The following MAP2K1 variants were observed in gnomAD, a reference collection of about 807,000 sequenced individuals.
The protein encoded by MAP2K1 is dual specificity mitogen-activated protein kinase kinase 1.
In MAP2K1, 16 loss-of-function variants were observed where a neutral mutation model predicts 46.3. The observed-to-expected ratio is 0.35, with a 90% CI of 0.23 to 0.52. The LOEUF is 0.52. Among genes scored for constraint, MAP2K1 ranks in the 20% least tolerant of loss-of-function variants. MAP2K1 has a pLI of 0.94. For missense variants in MAP2K1, 263 were observed against 497.1 expected, an observed-to-expected ratio of 0.53 and a Z score of 4.48; for synonymous variants, 183 against 185.6, an observed-to-expected ratio of 0.99 and a Z score of 0.11.
intron 5 of MAP2K1, among the ~76,000 whole-genome samples, chr15:66,471,977 T>C (rs1892642715): frequency 6.8e-6 from 1 of 146,406 alleles, no homozygotes; most frequent in African/African-American, 2.6e-5. Flanking sequence ...CTCAGGAGGC[T>C]GAGGCAGGAG....
chr15:66,487,930 A>G (rs565382321), intron 8 of MAP2K1, among the ~76,000 whole-genome samples: 1 of 152,004 alleles, frequency 6.6e-6, no homozygotes, highest in Admixed American at 6.6e-5. Context: ...TTTTCACATT[A>G]ATTTCCCATG....
intron 5 of MAP2K1, 21 bp from the exon 6 acceptor site, chr15:66,481,734 T>C: frequency 6.2e-7 from 1 of 1,610,866 alleles, no homozygotes. Flanking sequence ...TCCCTCCTTT[T>C]CTATTTTCTC....
chr15:66,481,906 A>G (rs1892923613), intron 6 of MAP2K1, 27 bp downstream of exon 6: 1 of 1,610,606 alleles, frequency 6.2e-7, no homozygotes, highest in Admixed American at 1.7e-5. Flanking sequence ...CCATTGCTTG[A>G]GCTTCTTGTA....
At chr15:66,447,813 A>G (rs1891912769) in intron 5 of MAP2K1, among the ~76,000 whole-genome samples, 1 of 151,976 alleles carries the variant, frequency 6.6e-6, no homozygotes. Flanking sequence ...ACCACCATCC[A>G]TCTCCAGAAC....
chr15:66,480,636 A>G (rs916121559), intron 5 of MAP2K1, among the ~76,000 whole-genome samples: 2 of 152,222 alleles, frequency 1.3e-5, no homozygotes, highest in Admixed American at 6.5e-5. Flanking sequence ...AAACGTTATT[A>G]GTGGCTCTGC....
intron 1 of MAP2K1, among the ~76,000 whole-genome samples, chr15:66,411,880 C>T (rs1366045229): frequency 1.3e-5 from 2 of 152,190 alleles, no homozygotes; most frequent in African/African-American, 2.4e-5. Flanking sequence ...CCTTGTGATA[C>T]AGGACAAGAG....
chr15:66,445,719 C>A (rs1891851202), intron 5 of MAP2K1, among the ~76,000 whole-genome samples: 1 of 152,134 alleles, frequency 6.6e-6, no homozygotes, highest in African/African-American at 2.4e-5. Context: ...AAGGCAGATA[C>A]AAAACAGCCC....
intron 5 of MAP2K1, among the ~76,000 whole-genome samples, chr15:66,468,804 G>T (rs1722001796): frequency 6.6e-6 from 1 of 151,626 alleles, no homozygotes; most frequent in African/African-American, 2.4e-5. Context: ...GGTGGTGCGT[G>T]CCTGTAATCC....
In MAP2K1 at chr15:66,387,070, C is replaced by T. The variant is rs1566991435; in HGVS notation, c.-278C>T. On this transcript the variant is annotated 5_prime_UTR_variant, in exon 1 of 11. Transcript: ENST00000307102. ...AGAGAGAGAGGAAGGGAATCCCGGG[C>T]TGCCGAACCGCACGTTCAGCCCGCT... is the stretch of plus-strand genomic sequence containing the variant. 6 of 393,480 alleles carry T rather than the reference C, an allele frequency of 1.5e-5. No individual in the cohort carries two copies. Among genetic ancestry groups the T allele is most frequent in the Non-Finnish European group, 2.7e-5 (6 of 223,340 alleles). 24.4% of individuals were successfully genotyped at this position (393,480 alleles called of 1,614,324 possible).
intron 1 of MAP2K1, among the ~76,000 whole-genome samples, chr15:66,425,832 G>A (rs1458404217): frequency 6.6e-6 from 1 of 152,162 alleles, no homozygotes. Flanking sequence ...CCTTGCAGGG[G>A]GGAAGAAAAG....
At chr15:66,458,050 T>C (rs1892217331) in intron 5 of MAP2K1, among the ~76,000 whole-genome samples, 1 of 151,990 alleles carries the variant, frequency 6.6e-6, no homozygotes. Context: ...ATAAGTGACG[T>C]GGGTAGGAGA....
Position 66,435,041 on chromosome 15 carries a change from C to T in MAP2K1, c.95C>T (p.Ala32Val), listed in dbSNP as rs1203670813. The T allele has an allele frequency of 1.2e-6, 2 of 1,613,246 alleles. No individual in the cohort carries two copies. The highest frequency in any genetic ancestry group is 2.7e-5 in the African/African-American group (2 of 74,890). The part of the protein sequence containing the change: ...GTSSAETNLE[A>V]LQKKLEELEL... ...CTTTGGAACAGGACCAACTTGGAGG[C>T]CTTGCAGAAGAAGCTGGAGGAGCTA... Residue 32 changes from alanine to valine, a missense_variant, in exon 2 of 11, where the codon GCC becomes GTC. By Grantham distance (64) the Ala-to-Val change is moderately conservative. Transcript: ENST00000307102.
At chr15:66,461,052 A>T (rs1595874593) in intron 5 of MAP2K1, among the ~76,000 whole-genome samples, 1 of 152,228 alleles carries the variant, frequency 6.6e-6, no homozygotes, top group African/African-American at 2.4e-5. Context: ...TAAGTTACAG[A>T]TTATTTCCTG....
intron 5 of MAP2K1, among the ~76,000 whole-genome samples, chr15:66,449,264 G>A (rs1356491360): frequency 1.3e-5 from 2 of 152,258 alleles, no homozygotes; most frequent in South Asian, 2.1e-4. Context: ...ACATTTTAGT[G>A]TATTCAAACA....
At chr15:66,471,045 T>C (rs2140649849) in intron 5 of MAP2K1, among the ~76,000 whole-genome samples, 1 of 152,286 alleles carries the variant, frequency 6.6e-6, no homozygotes, top group South Asian at 2.1e-4. Flanking sequence ...CTGATTAGCC[T>C]TTCCAAAGGA....
chr15:66,393,334 T>TGCCCA, intron 1 of MAP2K1, among the ~76,000 whole-genome samples: 1 of 152,170 alleles, frequency 6.6e-6, no homozygotes, highest in East Asian at 1.9e-4. Context: ...CCTGACACCA[T>TGCCCA]GCCCAGCTAA....
At chr15:66,461,574 G>A (rs1483612605) in intron 5 of MAP2K1, among the ~76,000 whole-genome samples, 1 of 152,008 alleles carries the variant, frequency 6.6e-6, no homozygotes, top group Non-Finnish European at 1.5e-5. Flanking sequence ...CCAGCATAAG[G>A]CTTGATAAGA....
intron 1 of MAP2K1, among the ~76,000 whole-genome samples, chr15:66,400,555 T>G (rs2093378988): frequency 6.6e-6 from 1 of 152,188 alleles, no homozygotes; most frequent in Non-Finnish European, 1.5e-5. Flanking sequence ...AACTGCCAAT[T>G]TCGAAAAATC....
intron 1 of MAP2K1, among the ~76,000 whole-genome samples, chr15:66,421,210 A>C (rs567278090): frequency 6.6e-6 from 1 of 151,504 alleles, no homozygotes; most frequent in South Asian, 2.1e-4. Context: ...GTCTTGGCTC[A>C]CTGCAACCTT....
Sources: gnomAD v4.1 joint callset for allele counts (sites outside exome capture counted in the v4.1 genomes callset) on GRCh38, gnomAD v4.1.1 for gene constraint, MANE v1.5 for transcripts, NCBI Gene and HGNC (gene_info 2026-07-23, HGNC 2026-07-21) for gene names.